The following SLC71A1 variants were observed in gnomAD, a reference collection of about 807,000 sequenced individuals.
SLC71A1 encodes the protein solute carrier family 71 member 1.
the SLC71A1 span, among the ~76,000 whole-genome samples, chr1:100,063,843 T>G: frequency 6.6e-6 from 1 of 152,162 alleles, no homozygotes; most frequent in Non-Finnish European, 1.5e-5. Context: ...ATCTTTTTTC[T>G]GAGCAGAAAG....
the SLC71A1 span, chr1:100,082,548 T>A: frequency 1.2e-4 from 32 of 271,890 alleles, no homozygotes; most frequent in Admixed American, 1.0e-3. Context: ...TGTTGAGCTT[T>A]AACTCTATGC....
chr1:100,041,409 G>C, the SLC71A1 span, among the ~76,000 whole-genome samples: 1 of 152,116 alleles, frequency 6.6e-6, no homozygotes, highest in Non-Finnish European at 1.5e-5. Flanking sequence ...GAAGTTGTTT[G>C]CAAAATTTTC....
the SLC71A1 span, chr1:100,068,232 G>A: frequency 1.3e-6 from 2 of 1,519,446 alleles, no homozygotes; most frequent in Non-Finnish European, 1.8e-6. Flanking sequence ...TGATAAAAAA[G>A]TGCATGATTC....
At chr1:100,080,298 T>C in the SLC71A1 span, 1 of 484,672 alleles carries the variant, frequency 2.1e-6, no homozygotes. Context: ...GAGCTCATGT[T>C]TGCATAGGAC....
the SLC71A1 span, among the ~76,000 whole-genome samples, chr1:100,075,864 G>T: frequency 0.033 from 5,041 of 152,248 alleles, 132 homozygotes; most frequent in South Asian, 0.08. Context: ...TTTTTGTAGA[G>T]ATGTGGTCTC....
At chr1:100,056,134 C>G in the SLC71A1 span, among the ~76,000 whole-genome samples, 1 of 152,178 alleles carries the variant, frequency 6.6e-6, no homozygotes. Context: ...CTTATTTATT[C>G]TATTTTTTTG....
the SLC71A1 span, among the ~76,000 whole-genome samples, chr1:100,040,279 A>C: frequency 1.3e-5 from 2 of 151,850 alleles, no homozygotes; most frequent in South Asian, 2.1e-4. Context: ...TTATTCTTAT[A>C]CGTAATCAGA....
At chr1:100,082,312 G>A in the SLC71A1 span, 2 of 898,602 alleles carry the variant, frequency 2.2e-6, no homozygotes, top group Non-Finnish European at 3.4e-6. Context: ...CTTTAAGATT[G>A]TCTTAAGAAA....
At chr1:100,062,332 C>T in the SLC71A1 span, among the ~76,000 whole-genome samples, 1 of 152,050 alleles carries the variant, frequency 6.6e-6, no homozygotes, top group Non-Finnish European at 1.5e-5. Flanking sequence ...ATCAGCAAAC[C>T]TTTTTTGTGG....
chr1:100,069,692 T>G, the SLC71A1 span: 73 of 1,594,804 alleles, frequency 4.6e-5, no homozygotes, highest in Non-Finnish European at 5.9e-5. Flanking sequence ...ACAGGTGAGT[T>G]TCTTTTTTTA....
At chr1:100,054,674 C>T in the SLC71A1 span, among the ~76,000 whole-genome samples, 24 of 152,042 alleles carry the variant, frequency 1.6e-4, no homozygotes, top group East Asian at 4.2e-3. Context: ...AGCCCCAAAG[C>T]GTTTAACATT....
chr1:100,069,952 G>A, the SLC71A1 span, among the ~76,000 whole-genome samples: 4 of 152,160 alleles, frequency 2.6e-5, no homozygotes, highest in South Asian at 2.1e-4. Flanking sequence ...TTCATGTCTT[G>A]TAGTCCTTGT....
At chr1:100,059,144 G>GGTTTTTTTTTTT in the SLC71A1 span, among the ~76,000 whole-genome samples, 1 of 75,416 alleles carries the variant, frequency 1.3e-5, no homozygotes, top group African/African-American at 5.9e-5. Context: ...TCTTTTTCGT[G>GGTTTTTTTTTTT]TTTTTTTTTT....
chr1:100,064,915 T>G, the SLC71A1 span, among the ~76,000 whole-genome samples: 1 of 151,598 alleles, frequency 6.6e-6, no homozygotes, highest in Non-Finnish European at 1.5e-5. Context: ...AGACAGGGTC[T>G]CACTCTATTG....
At chr1:100,082,125 G>C in the SLC71A1 span, 3 of 1,614,152 alleles carry the variant, frequency 1.9e-6, no homozygotes, top group Non-Finnish European at 2.5e-6. Context: ...GTTGGAGAAA[G>C]CACTGTGGCA....
chr1:100,056,981 T>G, the SLC71A1 span, among the ~76,000 whole-genome samples: 2 of 152,226 alleles, frequency 1.3e-5, no homozygotes, highest in Admixed American at 1.3e-4. Context: ...AAATGTCTAT[T>G]CAGATCTTTT....
the SLC71A1 span, chr1:100,043,188 A>G: frequency 1.0e-6 from 1 of 980,010 alleles, no homozygotes; most frequent in Non-Finnish European, 1.2e-6. Context: ...GCAGCTACTG[A>G]AAGTTTAAAG....
the SLC71A1 span, chr1:100,080,390 TAAG>T: frequency 1.1e-5 from 10 of 881,188 alleles, no homozygotes; most frequent in East Asian, 1.2e-4. Flanking sequence ...TAGTGTCTGA[TAAG>T]AAGCTTGATT....
the SLC71A1 span, among the ~76,000 whole-genome samples, chr1:100,041,518 A>G: frequency 6.6e-6 from 1 of 152,246 alleles, no homozygotes; most frequent in Non-Finnish European, 1.5e-5. Flanking sequence ...AAGTAACTAA[A>G]GAATAAGTTC....
Sources: gnomAD v4.1 joint callset for allele counts (sites outside exome capture counted in the v4.1 genomes callset) on GRCh38, gnomAD v4.1.1 for gene constraint, MANE v1.5 for transcripts, NCBI Gene and HGNC (gene_info 2026-07-23, HGNC 2026-07-21) for gene names.